KPNA7: variants seen among roughly 807,000 people sequenced by gnomAD.
KPNA7 encodes the protein importin subunit alpha-8.
Under a neutral mutation model 53.7 loss-of-function variants are expected in KPNA7, and 54 were observed. That is an observed-to-expected ratio of 1.01 (90% CI 0.81 to 1.26). The LOEUF is 1.26. KPNA7 is among the 50% of genes most tolerant of loss of function. The pLI is 0.00. For missense variants in KPNA7, 640 were observed against 644.5 expected (o/e 0.99, Z 0.07); for synonymous variants, 276 against 259.3 (o/e 1.06, Z -0.62).
Position 99,178,000 on chromosome 7 carries a change from T to C in KPNA7, c.1384A>G (p.Arg462Gly). The change falls in exon 10 of 11, where the codon AGA becomes GGA. Residue 462 changes from arginine (R) to glycine (G), a missense_variant. By Grantham distance (125) the Arg-to-Gly change is moderately radical. Transcript: ENST00000327442. The part of the protein sequence containing the change: ...LLIEELGGID[R>G]IEALQLHENR... The stretch of plus-strand genomic sequence containing the variant: ...TCATGCAGCTGTAAAGCCTCAATTC[T>C]ATCGATCCCACCAAGTTCTTCTATC... The C allele has an allele frequency of 1.3e-6, 2 of 1,551,856 alleles. No homozygotes were observed. Among genetic ancestry groups the C allele is most frequent in the East Asian group, 4.9e-5 (2 of 40,906 alleles).
intron 3 of KPNA7, among the ~76,000 whole-genome samples, chr7:99,201,440 G>A (rs1790528316): frequency 6.6e-6 from 1 of 151,978 alleles, no homozygotes; most frequent in Non-Finnish European, 1.5e-5. Context: ...GAGGCAGACA[G>A]ATCACAAGGT....
chr7:99,210,111 T>A (rs980173567), upstream of KPNA7, among the ~76,000 whole-genome samples: 6 of 152,174 alleles, frequency 3.9e-5, no homozygotes, highest in African/African-American at 1.4e-4. Flanking sequence ...GAAAATTCAC[T>A]TTCTGCACTG....
At chr7:99,158,298 T>C in the KPNA7 span, among the ~76,000 whole-genome samples, 2 of 152,166 alleles carry the variant, frequency 1.3e-5, no homozygotes, top group African/African-American at 2.4e-5. Flanking sequence ...ATCAGTTTTC[T>C]TCTGTTTGGG....
At chr7:99,148,593 C>T in the KPNA7 span, among the ~76,000 whole-genome samples, 3 of 151,914 alleles carry the variant, frequency 2.0e-5, no homozygotes, top group African/African-American at 7.3e-5. Flanking sequence ...ATTAATAACT[C>T]CTTATTTATT....
At chr7:99,211,932 A>C (rs910598974), upstream of KPNA7, among the ~76,000 whole-genome samples, 1 of 152,236 alleles carries the variant, frequency 6.6e-6, no homozygotes, top group African/African-American at 2.4e-5. Flanking sequence ...CCTGGTTTAA[A>C]CATTCACGAA....
chr7:99,195,814 C>T (rs1351696625), intron 4 of KPNA7, among the ~76,000 whole-genome samples: 2 of 152,186 alleles, frequency 1.3e-5, no homozygotes, highest in African/African-American at 4.8e-5. Context: ...TCAACATTTT[C>T]CCCTTTAAGG....
upstream of KPNA7, among the ~76,000 whole-genome samples, chr7:99,212,267 A>G (rs1196374538): frequency 9.3e-6 from 1 of 107,196 alleles, no homozygotes; most frequent in Non-Finnish European, 1.8e-5. Context: ...TTTTTGAGAC[A>G]GAGTTTCATT....
chr7:99,192,253 A>G (rs1416697760), intron 6 of KPNA7, among the ~76,000 whole-genome samples: 1 of 152,196 alleles, frequency 6.6e-6, no homozygotes, highest in African/African-American at 2.4e-5. Context: ...CATATATGCT[A>G]AACTGTGACC....
At chr7:99,193,128 TAGAG>T in intron 5 of KPNA7, 27 bp from the exon 6 acceptor site, 2 of 1,373,670 alleles carry the variant, frequency 1.5e-6, no homozygotes, top group South Asian at 1.5e-5. Flanking sequence ...ATGTGACATT[TAGAG>T]AGAGAACAAA....
At chr7:99,150,423 C>CTTTTTTTT in the KPNA7 span, among the ~76,000 whole-genome samples, 55 of 132,436 alleles carry the variant, frequency 4.2e-4, 17 homozygotes, top group Middle Eastern at 9.3e-3. Flanking sequence ...TCATTCTTCT[C>CTTTTTTTT]TTTTTTTTGA....
downstream of KPNA7, among the ~76,000 whole-genome samples, chr7:99,171,490 G>A (rs1035796009): frequency 9.2e-5 from 14 of 152,180 alleles, no homozygotes; most frequent in Non-Finnish European, 1.8e-4. Context: ...AGCCCAGGCT[G>A]GAGTGCAGTG....
At chr7:99,194,340 T>TG (rs1397506588) in intron 5 of KPNA7, among the ~76,000 whole-genome samples, 1 of 152,168 alleles carries the variant, frequency 6.6e-6, no homozygotes, top group African/African-American at 2.4e-5. Flanking sequence ...AGGAGTTTTT[T>TG]TTTGTTGTTG....
chr7:99,188,367 T>C lies in KPNA7; in HGVS notation c.833A>G (p.Gln278Arg). The C allele has an allele frequency of 6.4e-7, 1 of 1,551,524 alleles. No individual in the cohort carries two copies. Among genetic ancestry groups the C allele is most frequent in the Non-Finnish European group, 8.7e-7 (1 of 1,146,974 alleles). The change falls in exon 7 of 11, where the codon CAA (glutamine) becomes CGA (arginine). Residue 278 changes from glutamine (Q) to arginine (R), a missense_variant. By Grantham distance (43) the Gln-to-Arg change is conservative (BLOSUM62 1). Coordinates refer to ENST00000327442, the MANE Select transcript of KPNA7 (RefSeq NM_001145715.3). ...GGGCAGGACCCCCGTGTTAACCACT[T>C]GGCCGATGCGCTTGTTGGAGCCGTC... Reference protein sequence around the residue: ...LTDGSNKRIGQVVNTGVLPRL... With the variant: ...LTDGSNKRIGRVVNTGVLPRL...
At chr7:99,190,604 C>A (rs1177099347) in intron 6 of KPNA7, among the ~76,000 whole-genome samples, 3 of 151,626 alleles carry the variant, frequency 2.0e-5, no homozygotes, top group Non-Finnish European at 2.9e-5. Context: ...AACAACTGTC[C>A]TTGTAGACCA....
At chr7:99,184,329 A>G (rs989078740) in intron 8 of KPNA7, among the ~76,000 whole-genome samples, 8 of 151,630 alleles carry the variant, frequency 5.3e-5, no homozygotes, top group Non-Finnish European at 8.8e-5. Context: ...TAATTTTTGT[A>G]TACGTATATT....
the KPNA7 span, among the ~76,000 whole-genome samples, chr7:99,158,288 A>G: frequency 4.6e-5 from 7 of 152,122 alleles, no homozygotes; most frequent in South Asian, 1.5e-3. Flanking sequence ...TTTAAACTGG[A>G]TCAGTTTTCT....
downstream of KPNA7, among the ~76,000 whole-genome samples, chr7:99,169,552 G>A (rs1340752881): frequency 6.6e-6 from 1 of 152,078 alleles, no homozygotes; most frequent in East Asian, 1.9e-4. Flanking sequence ...TGGGAATGGA[G>A]GTTGCAGTGA....
upstream of KPNA7, among the ~76,000 whole-genome samples, chr7:99,208,475 C>T (rs955607270): frequency 7.2e-5 from 11 of 152,250 alleles, no homozygotes; most frequent in Middle Eastern, 3.4e-3. Flanking sequence ...CCAGGATGGT[C>T]TCTATCTCCT....
At chr7:99,191,039 C>T (rs923701919) in intron 6 of KPNA7, among the ~76,000 whole-genome samples, 2 of 152,098 alleles carry the variant, frequency 1.3e-5, no homozygotes, top group Non-Finnish European at 1.5e-5. Flanking sequence ...TCTAGGAAGA[C>T]AATCATCTGA....
Sources: gnomAD v4.1 joint callset for allele counts (sites outside exome capture counted in the v4.1 genomes callset) on GRCh38, gnomAD v4.1.1 for gene constraint, MANE v1.5 for transcripts, NCBI Gene and HGNC (gene_info 2026-07-23, HGNC 2026-07-21) for gene names.